Variants in VPS13D observed in about 807,000 individuals in gnomAD.
VPS13D encodes intermembrane lipid transfer protein VPS13D.
VPS13D carries 187 observed loss-of-function variants against 461.9 expected under a neutral mutation model. The observed-to-expected ratio is 0.40, with a 90% confidence interval of 0.36 to 0.46. The LOEUF is 0.46. Among genes scored for constraint, VPS13D ranks in the 20% least tolerant of loss-of-function variants. The pLI is 0.60. For missense variants in VPS13D, 4,711 were observed against 5,364.9 expected (o/e 0.88, Z 3.81); for synonymous variants, 1,951 against 1,986.3 (o/e 0.98, Z 0.47).
Position 12,342,882 on chromosome 1 carries a change from A to T in VPS13D, c.8733-17A>T, listed in dbSNP as rs754082406. 1 of 1,603,980 alleles carries T rather than the reference A, an allele frequency of 6.2e-7. No individual in the cohort carries two copies. The highest frequency in any genetic ancestry group is 2.2e-5 in the East Asian group (1 of 44,792). On this transcript the variant is annotated splice_polypyrimidine_tract_variant and intron_variant, in intron 41 of 69. Coordinates refer to ENST00000620676, the MANE Select transcript of VPS13D (RefSeq NM_015378.4). ...GAAGAAACAGGGACAGGCTGATGTC[A>T]TCTGATTTGGTTCCAGAGCTGCACT... is the stretch of plus-strand genomic sequence containing the variant.
At position 12,473,752 on chromosome 1, in the gene VPS13D, G is replaced by A. The variant is rs1570244793; in HGVS notation, c.12662+13356G>A. On this transcript the variant is annotated intron_variant, in intron 67 of 69. Transcript: ENST00000620676. This position sits in a 1 kb window ranked among gnomAD's most constrained non-coding sequence, Gnocchi z 4.2. The stretch of plus-strand genomic sequence containing the variant: ...AATTCAACCCTGTCCCCGAATTCTT[G>A]CTGACCACCTGCTAGAGTGTGAGGA... 6.6e-6 allele frequency among the ~76,000 whole-genome samples: 1 copy of A among 152,194 alleles called. No individual in the cohort carries two copies. Among genetic ancestry groups the A allele is most frequent in the East Asian group, 1.9e-4 (1 of 5,202 alleles).
At chr1:12,273,827 T>G (rs562159497) in intron 18 of VPS13D, among the ~76,000 whole-genome samples, 36 of 152,306 alleles carry the variant, frequency 2.4e-4, no homozygotes, top group African/African-American at 7.9e-4. Context: ...TTGCTTCCAC[T>G]CTTTTGCTAT....
chr1:12,258,255 A>G, intron 10 of VPS13D, 152 bp downstream of exon 10: 1 of 1,003,616 alleles, frequency 1.0e-6, no homozygotes, highest in Non-Finnish European at 1.4e-6. Flanking sequence ...TAGAGTGAGA[A>G]CTAAGCCAGG....
At chr1:12,371,736 A>T (rs1192452395) in intron 54 of VPS13D, among the ~76,000 whole-genome samples, 1 of 151,990 alleles carries the variant, frequency 6.6e-6, no homozygotes, top group East Asian at 1.9e-4. Context: ...GTGGCTGAAT[A>T]CTATGCTGTA....
At chr1:12,240,161 C>T (rs1640298575) in intron 2 of VPS13D, among the ~76,000 whole-genome samples, 1 of 152,120 alleles carries the variant, frequency 6.6e-6, no homozygotes, top group Non-Finnish European at 1.5e-5. Context: ...TCTAGATCTC[C>T]TCCTTTGCCC....
chr1:12,363,909 C>T (rs1164308955), intron 52 of VPS13D, among the ~76,000 whole-genome samples: 4 of 124,788 alleles, frequency 3.2e-5, no homozygotes, highest in Admixed American at 9.9e-5. Context: ...GCTCAGATCA[C>T]GCCACTGCAC....
At chr1:12,295,348 G>A (rs1277528700) in intron 24 of VPS13D, among the ~76,000 whole-genome samples, 2 of 152,028 alleles carry the variant, frequency 1.3e-5, no homozygotes, top group Non-Finnish European at 2.9e-5. Context: ...TGACTTGGTA[G>A]ATATTGATTT....
intron 5 of VPS13D, among the ~76,000 whole-genome samples, chr1:12,247,703 A>ATT (rs778720883): frequency 2.4e-4 from 32 of 131,304 alleles, no homozygotes; most frequent in Non-Finnish European, 3.1e-4. Context: ...CTTTGCCACA[A>ATT]TTTTTTTTTT....
chr1:12,473,156 T>A lies in VPS13D; in HGVS notation c.12662+12760T>A, dbSNP rs544427238. Among the ~76,000 whole-genome samples the A allele has an allele frequency of 2.0e-5, 3 of 152,324 alleles. No individual in the cohort carries two copies. The East Asian group carries it at 5.8e-4, about 29-fold the overall frequency. ...CTGGGGAGCGACTGTACTTAGATCC[T>A]GGGTGCTGATGGGTGTTTTGTAGTT... is the stretch of plus-strand genomic sequence containing the variant. On this transcript the variant is annotated intron_variant, in intron 67 of 69. Transcript: ENST00000620676. This position sits in a 1 kb window ranked among gnomAD's most constrained non-coding sequence, Gnocchi z 4.2.
rs941090219 is a variant in VPS13D, at chr1:12,475,207, A to G, written c.12662+14811A>G. On this transcript the variant is annotated intron_variant, in intron 67 of 69. Transcript: ENST00000620676. ...CCCTTGGCAAGAGAACAGGATTGCA[A>G]ATCACAAGAGCAGAGCCCTGACTCC... 7.2e-4 allele frequency among the ~76,000 whole-genome samples: 110 copies of G among 152,294 alleles called. 2 individuals carry two copies. The highest frequency in any genetic ancestry group is 6.9e-3 in the Admixed American group (106 of 15,304).
intron 61 of VPS13D, among the ~76,000 whole-genome samples, chr1:12,400,960 G>GCA (rs1348890891): frequency 0.12 from 16,073 of 130,310 alleles, 957 homozygotes; most frequent in Non-Finnish European, 0.15. Flanking sequence ...ACCTGCGCGC[G>GCA]CGCACACACA....
chr1:12,232,272 G>A (rs1396927555), intron 1 of VPS13D, among the ~76,000 whole-genome samples: 1 of 152,132 alleles, frequency 6.6e-6, no homozygotes, highest in Non-Finnish European at 1.5e-5. Flanking sequence ...AGATATTGTT[G>A]ACAAACAAAA....
intron 6 of VPS13D, among the ~76,000 whole-genome samples, chr1:12,252,869 A>C (rs1640783208): frequency 6.6e-6 from 1 of 150,926 alleles, no homozygotes; most frequent in African/African-American, 2.4e-5. Flanking sequence ...ATATAAAAAA[A>C]AATTCAGGAC....
intron 67 of VPS13D, among the ~76,000 whole-genome samples, chr1:12,471,341 T>C (rs1354812908): frequency 6.6e-6 from 1 of 152,232 alleles, no homozygotes; most frequent in African/African-American, 2.4e-5. Flanking sequence ...CTGTTATTTT[T>C]ACCTGAATTA....
At chr1:12,398,282 T>C (rs1644525938) in intron 60 of VPS13D, among the ~76,000 whole-genome samples, 2 of 152,172 alleles carry the variant, frequency 1.3e-5, no homozygotes, top group Admixed American at 1.3e-4. Flanking sequence ...GAGGATTCGG[T>C]GCCAGAAATC....
chr1:12,386,235 C>T lies in VPS13D; in HGVS notation c.11535C>T (p.Val3845=). ...TTGGGTTGTCCTTAATTAATAAAGT[C>T]CCAGAAGAACTGGTCTTTGCAAGTC... ...GGIGLSLINK[V]PEELVFASLT... Residue 3845 remains valine (V), a synonymous_variant, in exon 60 of 70, where the codon GTC becomes GTT. Transcript: ENST00000620676. 1.9e-6 allele frequency: 3 copies of T among 1,613,516 alleles called. No homozygotes were observed. Among genetic ancestry groups the T allele is most frequent in the South Asian group, 1.1e-5 (1 of 90,952 alleles).
chr1:12,403,041 G>A (rs1644600679), intron 62 of VPS13D, among the ~76,000 whole-genome samples: 1 of 152,206 alleles, frequency 6.6e-6, no homozygotes, highest in African/African-American at 2.4e-5. Context: ...GGTCTCTGTT[G>A]CAGTATCATT....
chr1:12,277,784 T>G lies in VPS13D; in HGVS notation c.4196T>G (p.Val1399Gly). ...AAGCCGGGGAGTCCTGAGTTGTTGG[T>G]GGGACACTTGGGACAGATATTCATC... ...PRKPGSPELL[V>G]GHLGQIFIQN... Residue 1399 changes from valine to glycine, a missense_variant, in exon 19 of 70, where the codon GTG becomes GGG. Val to Gly is a moderately radical substitution (Grantham distance 109). Coordinates refer to ENST00000620676, the MANE Select transcript of VPS13D (RefSeq NM_015378.4). 1 of 1,614,170 alleles carries G rather than the reference T, an allele frequency of 6.2e-7. No homozygotes were observed. Among genetic ancestry groups the G allele is most frequent in the Non-Finnish European group, 8.5e-7 (1 of 1,180,008 alleles).
At chr1:12,346,998 G>A (rs1643691291) in intron 44 of VPS13D, among the ~76,000 whole-genome samples, 1 of 152,152 alleles carries the variant, frequency 6.6e-6, no homozygotes, top group Non-Finnish European at 1.5e-5. Context: ...AAGTAAATAA[G>A]AAGGAAAAAG....
Sources: allele counts gnomAD v4.1 joint callset (sites outside exome capture counted in the v4.1 genomes callset), GRCh38; gene constraint gnomAD v4.1.1; non-coding constraint Gnocchi (gnomAD v3.1); transcripts MANE v1.5; gene names NCBI Gene and HGNC (gene_info 2026-07-23, HGNC 2026-07-21).